ARHGAP6: variants seen among roughly 807,000 people sequenced by gnomAD.
ARHGAP6 encodes rho GTPase-activating protein 6.
Under a neutral mutation model 55.7 loss-of-function variants are expected in ARHGAP6, and 16 were observed. The observed-to-expected ratio is 0.29, with a 90% CI of 0.19 to 0.44. ARHGAP6 has a LOEUF of 0.44. Ranked by LOEUF, ARHGAP6 falls within the 20% of genes least tolerant of loss-of-function variation. The pLI is 1.00. For missense variants in ARHGAP6, 698 were observed against 808.9 expected, an observed-to-expected ratio of 0.86 and a Z score of 1.66; for synonymous variants, 382 against 360.9, an observed-to-expected ratio of 1.06 and a Z score of -0.66.
chrX:11,484,573 A>T (rs756994516), intron 1 of ARHGAP6, among the ~76,000 whole-genome samples: 28 of 109,211 alleles, frequency 2.6e-4, no homozygotes, highest in African/African-American at 7.0e-4. Context: ...AAAGAGGAGA[A>T]AGGAGAAGAA....
intron 1 of ARHGAP6, among the ~76,000 whole-genome samples, chrX:11,641,239 T>C (rs777682184): frequency 9.0e-6 from 1 of 111,180 alleles, no homozygotes; most frequent in African/African-American, 3.3e-5. Context: ...AAATTGGCAG[T>C]CCCCCTGAAT....
chrX:11,358,476 TC>T (rs2048964198), intron 1 of ARHGAP6, among the ~76,000 whole-genome samples: 1 of 92,933 alleles, frequency 1.1e-5, no homozygotes, highest in African/African-American at 4.4e-5. Flanking sequence ...TTTCTTTCTT[TC>T]TTTCTTTCTT....
At chrX:11,211,026 A>G (rs747303159) in intron 2 of ARHGAP6, among the ~76,000 whole-genome samples, 22 of 111,857 alleles carry the variant, frequency 2.0e-4, no homozygotes, top group African/African-American at 6.5e-4. Context: ...GCCGAGTTTG[A>G]AAATGTTAAA....
intron 1 of ARHGAP6, among the ~76,000 whole-genome samples, chrX:11,379,259 C>T (rs779051728): frequency 2.7e-5 from 3 of 112,385 alleles, no homozygotes; most frequent in Non-Finnish European, 5.6e-5. Context: ...TATGCTATCA[C>T]TTCTCCATGT....
chrX:11,164,516 C>T (rs927308361), intron 9 of ARHGAP6, among the ~76,000 whole-genome samples: 4 of 111,922 alleles, frequency 3.6e-5, no homozygotes, highest in Non-Finnish European at 5.6e-5. Context: ...TAAGAAAATG[C>T]GATTTTCATC....
At chrX:11,358,441 C>CTTTCTTTCTT (rs1569313456) in intron 1 of ARHGAP6, among the ~76,000 whole-genome samples, 2 of 68,688 alleles carry the variant, frequency 2.9e-5, no homozygotes, top group African/African-American at 6.5e-5. Flanking sequence ...ATCTTTCTTT[C>CTTTCTTTCTT]TTTCTTTCTT....
At chrX:11,599,622 G>C (rs909350396) in intron 1 of ARHGAP6, among the ~76,000 whole-genome samples, 1 of 111,771 alleles carries the variant, frequency 8.9e-6, no homozygotes, top group Non-Finnish European at 1.9e-5. Flanking sequence ...TCAGGGGCTG[G>C]GGGAACAGGG....
At chrX:11,338,382 C>T (rs1474318283) in intron 1 of ARHGAP6, among the ~76,000 whole-genome samples, 2 of 111,631 alleles carry the variant, frequency 1.8e-5, no homozygotes, top group Non-Finnish European at 3.8e-5. Context: ...TAGAGTGAGA[C>T]TGGCAAACTT....
At chrX:11,578,416 A>C (rs774098789) in intron 1 of ARHGAP6, among the ~76,000 whole-genome samples, 1 of 112,603 alleles carries the variant, frequency 8.9e-6, no homozygotes, top group Non-Finnish European at 1.9e-5. Context: ...TGCAGCCAAT[A>C]GACACATGAA....
intron 1 of ARHGAP6, among the ~76,000 whole-genome samples, chrX:11,344,453 A>C (rs2048746956): frequency 1.8e-5 from 2 of 109,404 alleles, no homozygotes; most frequent in South Asian, 8.0e-4. Context: ...TGGGTAGATC[A>C]CCTCAGGTCA....
At chrX:11,478,291 A>G (rs2050423458) in intron 1 of ARHGAP6, among the ~76,000 whole-genome samples, 1 of 112,213 alleles carries the variant, frequency 8.9e-6, no homozygotes, top group Non-Finnish European at 1.9e-5. Flanking sequence ...AAACTCCCCA[A>G]ATATCTATCA....
chrX:11,511,778 AGCC>A (rs1453215215), intron 1 of ARHGAP6, among the ~76,000 whole-genome samples: 1 of 111,311 alleles, frequency 9.0e-6, no homozygotes, highest in Non-Finnish European at 1.9e-5. Flanking sequence ...GGGAAGTCAG[AGCC>A]CCATAATCAC....
intron 2 of ARHGAP6, among the ~76,000 whole-genome samples, chrX:11,246,868 C>G (rs1249259772): frequency 8.9e-6 from 1 of 112,162 alleles, no homozygotes; most frequent in African/African-American, 3.2e-5. Flanking sequence ...GCAGACAGTT[C>G]TAGCACATCA....
At chrX:11,185,429 G>C (rs1029654077) in intron 5 of ARHGAP6, among the ~76,000 whole-genome samples, 3 of 111,768 alleles carry the variant, frequency 2.7e-5, no homozygotes, top group Non-Finnish European at 5.6e-5. Context: ...GAAGGAAATA[G>C]ATGAGAATGT....
At chrX:11,420,631 C>T (rs774853233) in intron 1 of ARHGAP6, among the ~76,000 whole-genome samples, 11 of 111,569 alleles carry the variant, frequency 9.9e-5, no homozygotes, top group East Asian at 8.4e-4. Context: ...GAGAGAGAAA[C>T]GCTGGGAGCC....
intron 2 of ARHGAP6, among the ~76,000 whole-genome samples, chrX:11,232,632 C>A (rs1342980998): frequency 1.8e-5 from 2 of 110,566 alleles, no homozygotes; most frequent in Non-Finnish European, 3.8e-5. Context: ...GACTCCATCT[C>A]AAAAAGGAAC....
intron 1 of ARHGAP6, among the ~76,000 whole-genome samples, chrX:11,588,541 A>G (rs1489503662): frequency 8.9e-6 from 1 of 112,542 alleles, no homozygotes; most frequent in Non-Finnish European, 1.9e-5. Flanking sequence ...CTGAAAAATG[A>G]ATAAACAAAA....
intron 1 of ARHGAP6, among the ~76,000 whole-genome samples, chrX:11,261,881 T>C (rs1025140024): frequency 4.5e-5 from 5 of 111,523 alleles, no homozygotes; most frequent in Non-Finnish European, 9.4e-5. Flanking sequence ...CACCTTATAA[T>C]GCACAGGACT....
intron 1 of ARHGAP6, among the ~76,000 whole-genome samples, chrX:11,359,864 A>G (rs1307875831): frequency 8.9e-6 from 1 of 112,293 alleles, no homozygotes; most frequent in African/African-American, 3.2e-5. Context: ...ACCATCAGAG[A>G]ATACTACAAA....
Sources: allele counts gnomAD v4.1 joint callset (sites outside exome capture counted in the v4.1 genomes callset), GRCh38; gene constraint gnomAD v4.1.1; transcripts MANE v1.5; gene names NCBI Gene and HGNC (gene_info 2026-07-23, HGNC 2026-07-21).